CDK14: variants seen among roughly 807,000 people sequenced by gnomAD.
CDK14 encodes the protein cyclin-dependent kinase 14.
CDK14 carries 34 observed loss-of-function variants against 60.7 expected under a neutral mutation model. The ratio of observed to expected loss-of-function variants is 0.56; its 90% confidence interval spans 0.43 to 0.75. The LOEUF is 0.75. Ranked by LOEUF, CDK14 falls within the 30% of genes least tolerant of loss-of-function variation. The pLI, the probability that CDK14 is intolerant of heterozygous loss-of-function variation, is 0.00. For synonymous variants in CDK14, 197 were observed against 203.7 expected (o/e 0.97, Z 0.28); for missense variants, 482 against 564.1 (o/e 0.85, Z 1.47).
intron 2 of CDK14, among the ~76,000 whole-genome samples, chr7:90,640,946 A>G (rs1218063202): frequency 6.6e-6 from 1 of 152,156 alleles, no homozygotes; most frequent in Non-Finnish European, 1.5e-5. Flanking sequence ...ATCTGAACAG[A>G]TGTTTCTTCA....
Position 90,648,848 on chromosome 7 carries a change from C to T in CDK14, c.123+44599C>T, listed in dbSNP as rs375164010. The stretch of plus-strand genomic sequence containing the variant: ...ATAATCCTGACAGAGGAATGGTGTT[C>T]TAGTGAAATATTCCAACTTATTTTT... On this transcript the variant is annotated intron_variant, in intron 2 of 14. Coordinates refer to ENST00000380050, the MANE Select transcript of CDK14 (RefSeq NM_001287135.2). 1.3e-4 allele frequency among the ~76,000 whole-genome samples: 20 copies of T among 152,252 alleles called. No homozygotes were observed. The East Asian group carries it at 2.9e-3, about 22-fold the overall frequency.
intron 9 of CDK14, among the ~76,000 whole-genome samples, chr7:90,972,776 G>T (rs1002819425): frequency 6.6e-6 from 1 of 152,104 alleles, no homozygotes; most frequent in Admixed American, 6.6e-5. Context: ...TCAGAGAATT[G>T]ATCTGAGTTA....
chr7:90,719,263 CT>C lies in CDK14; in HGVS notation c.124-7300del, dbSNP rs564541570. Among the ~76,000 whole-genome samples, 286 of 152,244 alleles carry C rather than the reference CT, an allele frequency of 1.9e-3. 1 individual carries two copies. The highest frequency in any genetic ancestry group is 3.2e-3 in the Non-Finnish European group (218 of 68,022). Reference sequence around the variant, plus strand: ...TATTTGCTGTGGGTTAACCTGGAGTCTTTTAAACCAATTCTTTTCCAGTGTC... The same window carrying C: ...TATTTGCTGTGGGTTAACCTGGAGTCTTTAAACCAATTCTTTTCCAGTGTC... On this transcript the variant is annotated intron_variant, in intron 2 of 14. Coordinates refer to ENST00000380050, the MANE Select transcript of CDK14 (RefSeq NM_001287135.2).
At chr7:90,919,188 TATG>T (rs1212260987) in intron 8 of CDK14, among the ~76,000 whole-genome samples, 1 of 152,186 alleles carries the variant, frequency 6.6e-6, no homozygotes, top group Non-Finnish European at 1.5e-5. Flanking sequence ...ATGATTTTCT[TATG>T]GTGTGTTAAT....
chr7:91,011,065 A>G (rs751124388), intron 10 of CDK14, among the ~76,000 whole-genome samples: 6 of 151,958 alleles, frequency 3.9e-5, no homozygotes, highest in African/African-American at 9.7e-5. Context: ...TACTGCTTGC[A>G]GACAATTGAT....
chr7:90,680,751 A>G (rs1801298243), intron 2 of CDK14, among the ~76,000 whole-genome samples: 1 of 152,222 alleles, frequency 6.6e-6, no homozygotes, highest in African/African-American at 2.4e-5. Flanking sequence ...AAAGTGGAAA[A>G]GAAGTGGCAG....
chr7:91,051,160 C>T (rs1254526754), intron 11 of CDK14, among the ~76,000 whole-genome samples: 1 of 152,112 alleles, frequency 6.6e-6, no homozygotes, highest in Non-Finnish European at 1.5e-5. Flanking sequence ...GATCTCTCAC[C>T]TGAATTAATA....
chr7:91,043,461 C>A (rs55881015), intron 10 of CDK14, among the ~76,000 whole-genome samples: 2,840 of 152,328 alleles, frequency 0.019, 73 homozygotes, highest in Non-Finnish European at 0.023. Flanking sequence ...TTAGTGAGAA[C>A]AAAGTGGAGC....
At chr7:90,754,674 C>T (rs1276912146) in intron 4 of CDK14, among the ~76,000 whole-genome samples, 1 of 152,068 alleles carries the variant, frequency 6.6e-6, no homozygotes, top group Non-Finnish European at 1.5e-5. Context: ...AAACTATCAA[C>T]AGAGTAAACA....
intron 12 of CDK14, among the ~76,000 whole-genome samples, chr7:91,084,272 T>C (rs539516694): frequency 1.9e-4 from 29 of 152,346 alleles, no homozygotes; most frequent in African/African-American, 7.0e-4. Flanking sequence ...GGATATCTCT[T>C]CTGGGACCTG....
chr7:91,112,424 G>A lies in CDK14; in HGVS notation c.1155-118G>A. 3 of 1,069,412 alleles carry A rather than the reference G, an allele frequency of 2.8e-6. No individual in the cohort carries two copies. In the South Asian group the frequency reaches 4.8e-5, roughly 17 times the overall value. The allele number at this position is 1,069,412 out of a possible 1,614,324, so 66.2% of individuals were successfully genotyped here. On this transcript the variant is annotated intron_variant, in intron 12 of 14. Transcript: ENST00000380050. Reference sequence around the variant, plus strand: ...ATTTTGCTTCTGTTTATTTCAGCAGGTAATTTGTTTTTCTAGCCAGGAATA... The same window carrying A: ...ATTTTGCTTCTGTTTATTTCAGCAGATAATTTGTTTTTCTAGCCAGGAATA...
chr7:90,886,670 A>G (rs1167761833), intron 6 of CDK14, among the ~76,000 whole-genome samples: 1 of 152,166 alleles, frequency 6.6e-6, no homozygotes, highest in Admixed American at 6.5e-5. Flanking sequence ...TAAAAGCGTA[A>G]AACATATTAT....
chr7:91,036,425 A>G (rs1796936942), intron 10 of CDK14, among the ~76,000 whole-genome samples: 1 of 152,178 alleles, frequency 6.6e-6, no homozygotes, highest in African/African-American at 2.4e-5. Context: ...CCTGTGAACA[A>G]CACAACTTTG....
At chr7:91,058,828 G>C (rs192219638) in intron 11 of CDK14, among the ~76,000 whole-genome samples, 1 of 152,142 alleles carries the variant, frequency 6.6e-6, no homozygotes, top group African/African-American at 2.4e-5. Flanking sequence ...GAGGATTTTT[G>C]CATCAATGTT....
intron 11 of CDK14, among the ~76,000 whole-genome samples, chr7:91,056,679 A>G (rs1457832353): frequency 6.6e-6 from 1 of 151,066 alleles, no homozygotes; most frequent in Non-Finnish European, 1.5e-5. Flanking sequence ...TGTCTTTGCG[A>G]TAGTTTGCTG....
intron 2 of CDK14, among the ~76,000 whole-genome samples, chr7:90,704,776 A>G (rs1472531239): frequency 6.6e-6 from 1 of 152,164 alleles, no homozygotes; most frequent in Non-Finnish European, 1.5e-5. Context: ...CATGGCTGTT[A>G]AACATTCAGT....
At chr7:90,877,016 A>G (rs1791584099) in intron 6 of CDK14, among the ~76,000 whole-genome samples, 1 of 152,200 alleles carries the variant, frequency 6.6e-6, no homozygotes, top group African/African-American at 2.4e-5. Context: ...AATAGAAAAT[A>G]ATTATGGCTG....
intron 11 of CDK14, among the ~76,000 whole-genome samples, chr7:91,064,889 T>C (rs1797928928): frequency 6.6e-6 from 1 of 152,192 alleles, no homozygotes; most frequent in Admixed American, 6.5e-5. Flanking sequence ...CTTTAGACTT[T>C]AATAAATGCC....
intron 12 of CDK14, among the ~76,000 whole-genome samples, chr7:91,103,477 G>A (rs1280347298): frequency 1.3e-5 from 2 of 152,120 alleles, no homozygotes; most frequent in African/African-American, 4.8e-5. Context: ...TTGAAAAAGC[G>A]CTAGTTTCAA....
Sources: gnomAD v4.1 joint callset for allele counts (sites outside exome capture counted in the v4.1 genomes callset) on GRCh38, gnomAD v4.1.1 for gene constraint, MANE v1.5 for transcripts, NCBI Gene and HGNC (gene_info 2026-07-23, HGNC 2026-07-21) for gene names.